C12orf42: variants seen among roughly 807,000 people sequenced by gnomAD.
C12orf42 encodes the protein uncharacterized protein C12orf42.
Under a neutral mutation model 21.6 loss-of-function variants are expected in C12orf42, and 25 were observed. The ratio of observed to expected loss-of-function variants is 1.16; its 90% CI spans 0.84 to 1.62. The LOEUF is 1.62. Ranked by LOEUF, C12orf42 falls within the 40% of genes most tolerant of loss-of-function variation. C12orf42 has a pLI of 0.00. For synonymous variants in C12orf42, 174 were observed against 175.0 expected, an observed-to-expected ratio of 0.99 and a Z score of 0.05; for missense variants, 483 against 459.3, an observed-to-expected ratio of 1.05 and a Z score of -0.47.
the C12orf42 span, among the ~76,000 whole-genome samples, chr12:103,117,101 C>G: frequency 9.2e-5 from 14 of 152,300 alleles, no homozygotes; most frequent in East Asian, 5.8e-4. Context: ...GTTAACCACA[C>G]TCATTCTACA....
intron 4 of C12orf42, among the ~76,000 whole-genome samples, chr12:103,361,890 C>G (rs2044147249): frequency 6.6e-6 from 1 of 152,060 alleles, no homozygotes; most frequent in Non-Finnish European, 1.5e-5. Context: ...ACACCTAACC[C>G]TTCCCCAACC....
intron 2 of C12orf42, among the ~76,000 whole-genome samples, chr12:103,457,053 G>A (rs559961777): frequency 3.3e-5 from 5 of 152,148 alleles, no homozygotes; most frequent in East Asian, 1.9e-4. Context: ...AAAACCACCC[G>A]AATATGATGT....
chr12:103,115,137 TA>T, the C12orf42 span, among the ~76,000 whole-genome samples: 1 of 152,240 alleles, frequency 6.6e-6, no homozygotes, highest in Non-Finnish European at 1.5e-5. Flanking sequence ...TGTTAATCTC[TA>T]AATATTTTCA....
intron 4 of C12orf42, among the ~76,000 whole-genome samples, chr12:103,314,758 C>T (rs1281769097): frequency 6.6e-6 from 1 of 152,152 alleles, no homozygotes; most frequent in Non-Finnish European, 1.5e-5. Flanking sequence ...TTTCCCACTC[C>T]AGCCCCCTTT....
At chr12:103,285,544 G>C (rs1246190807) in intron 4 of C12orf42, among the ~76,000 whole-genome samples, 6 of 152,122 alleles carry the variant, frequency 3.9e-5, no homozygotes, top group Non-Finnish European at 8.8e-5. Context: ...ACTGTTTAAT[G>C]ATAAGGAAGA....
At chr12:103,239,624 G>A (rs2033635326) in intron 10 of C12orf42, among the ~76,000 whole-genome samples, 1 of 152,190 alleles carries the variant, frequency 6.6e-6, no homozygotes, top group African/African-American at 2.4e-5. Flanking sequence ...ACCATAGGTG[G>A]TTAGCTTGTT....
At chr12:103,351,833 T>C (rs2043123454) in intron 4 of C12orf42, among the ~76,000 whole-genome samples, 1 of 152,158 alleles carries the variant, frequency 6.6e-6, no homozygotes, top group Non-Finnish European at 1.5e-5. Flanking sequence ...TTCAGTCTAT[T>C]GAGGAAATAC....
At chr12:103,286,091 AAAAC>A (rs1254287970) in intron 4 of C12orf42, among the ~76,000 whole-genome samples, 1 of 151,984 alleles carries the variant, frequency 6.6e-6, no homozygotes, top group Non-Finnish European at 1.5e-5. Context: ...TAAAAATACA[AAAAC>A]AAAAAATCAG....
At chr12:103,486,417 T>C (rs1954835447) in intron 1 of C12orf42, among the ~76,000 whole-genome samples, 1 of 152,158 alleles carries the variant, frequency 6.6e-6, no homozygotes, top group African/African-American at 2.4e-5. Context: ...CCATCAGGGA[T>C]ATGGGGCTAA....
intron 3 of C12orf42, among the ~76,000 whole-genome samples, chr12:103,387,476 G>T (rs7975406): frequency 0.23 from 35,525 of 152,100 alleles, 5,190 homozygotes; most frequent in African/African-American, 0.42. Context: ...TATTCACTTT[G>T]TGTATTACCT....
intron 10 of C12orf42, among the ~76,000 whole-genome samples, chr12:103,249,840 T>A (rs1034960033): frequency 2.0e-4 from 31 of 152,076 alleles, no homozygotes; most frequent in African/African-American, 7.5e-4. Context: ...AGCAAACCAG[T>A]CAATCCTTAG....
intron 4 of C12orf42, among the ~76,000 whole-genome samples, chr12:103,334,339 T>A (rs1051401209): frequency 1.3e-5 from 2 of 152,194 alleles, no homozygotes; most frequent in African/African-American, 2.4e-5. Flanking sequence ...AATTTTAATT[T>A]AAAAACCCCT....
the C12orf42 span, among the ~76,000 whole-genome samples, chr12:103,141,443 G>A: frequency 1.3e-5 from 2 of 151,932 alleles, no homozygotes; most frequent in African/African-American, 4.8e-5. Context: ...TGTTTAAGAA[G>A]CCGAATGATA....
chr12:103,353,351 C>T (rs184393270), intron 4 of C12orf42, among the ~76,000 whole-genome samples: 4 of 151,688 alleles, frequency 2.6e-5, no homozygotes, highest in Admixed American at 6.6e-5. Context: ...TGAGAGAAGG[C>T]GACTGTGTTT....
At chr12:103,080,328 G>A in the C12orf42 span, among the ~76,000 whole-genome samples, 1 of 152,162 alleles carries the variant, frequency 6.6e-6, no homozygotes, top group Admixed American at 6.5e-5. Flanking sequence ...ATGCTTGTAT[G>A]TTTTCATAAC....
At chr12:103,323,052 T>C (rs755778674) in intron 4 of C12orf42, among the ~76,000 whole-genome samples, 3 of 151,830 alleles carry the variant, frequency 2.0e-5, no homozygotes, top group African/African-American at 4.8e-5. Flanking sequence ...CAACTTTTCA[T>C]TGGTAGAAGC....
At chr12:103,077,199 T>C in the C12orf42 span, among the ~76,000 whole-genome samples, 2 of 152,218 alleles carry the variant, frequency 1.3e-5, no homozygotes, top group East Asian at 1.9e-4. Flanking sequence ...ATAATTAACA[T>C]GTTTTACAAA....
chr12:103,092,655 C>A, the C12orf42 span, among the ~76,000 whole-genome samples: 18 of 152,300 alleles, frequency 1.2e-4, no homozygotes, highest in African/African-American at 4.1e-4. Flanking sequence ...CTCTACCCTC[C>A]CCTATCCAGC....
chr12:103,176,534 A>C, the C12orf42 span, among the ~76,000 whole-genome samples: 1 of 152,106 alleles, frequency 6.6e-6, no homozygotes, highest in Non-Finnish European at 1.5e-5. Flanking sequence ...CCAATTTCTA[A>C]TTTTCTGGTC....
Sources: gnomAD v4.1 joint callset for allele counts (sites outside exome capture counted in the v4.1 genomes callset) on GRCh38, gnomAD v4.1.1 for gene constraint, MANE v1.5 for transcripts, NCBI Gene and HGNC (gene_info 2026-07-23, HGNC 2026-07-21) for gene names.